The following DDX23 variants were observed in gnomAD, a reference collection of about 807,000 sequenced individuals.
The protein encoded by DDX23 is probable ATP-dependent RNA helicase DDX23.
Under a neutral mutation model 102.7 loss-of-function variants are expected in DDX23, and 33 were observed. The observed-to-expected ratio is 0.32, with a 90% CI of 0.24 to 0.43. The LOEUF (loss-of-function observed/expected upper bound fraction) is 0.43. DDX23 is among the 20% of genes least tolerant of loss of function. The probability of loss-of-function intolerance (pLI) is 1.00; values close to 1 mark genes in which losing one functional copy is unlikely to be tolerated. For synonymous variants in DDX23, 352 were observed against 376.0 expected (o/e 0.94, Z 0.74); for missense variants, 549 against 1,086.6 (o/e 0.51, Z 6.96).
Position 48,836,815 on chromosome 12 carries a change from T to G in DDX23, c.1011-21A>C. ...TTGCCCTGGAGCAGGGTGTGAGGAG[T>G]AAGTAGAATCAGTGCCCTCCAACTC... On this transcript the variant is annotated intron_variant, in intron 9 of 16. Transcript: ENST00000308025. The surrounding 1 kb of genome is among the most constrained non-coding windows in gnomAD (Gnocchi z 6.1). The G allele has an allele frequency of 6.2e-7, 1 of 1,613,108 alleles. No individual in the cohort carries two copies. Among genetic ancestry groups the G allele is most frequent in the Non-Finnish European group, 8.5e-7 (1 of 1,179,266 alleles).
intron 1 of DDX23, among the ~76,000 whole-genome samples, chr12:48,850,425 A>G (rs1938737301): frequency 6.6e-6 from 1 of 152,212 alleles, no homozygotes; most frequent in African/African-American, 2.4e-5. Context: ...GAGTGTGAGA[A>G]TATCTGTGGA....
At chr12:48,848,682 T>A (rs1254966043) in intron 1 of DDX23, among the ~76,000 whole-genome samples, 1 of 151,818 alleles carries the variant, frequency 6.6e-6, no homozygotes, top group East Asian at 1.9e-4. Context: ...CTTCCCAGGC[T>A]CAAGCGATCC....
At chr12:48,842,904 T>C (rs1565678461) in intron 3 of DDX23, among the ~76,000 whole-genome samples, 1 of 151,714 alleles carries the variant, frequency 6.6e-6, no homozygotes, top group Non-Finnish European at 1.5e-5. Flanking sequence ...TTGCCGTGTC[T>C]GTGTAGAAAG....
intron 1 of DDX23, 112 bp from the exon 2 acceptor site, chr12:48,845,894 TACC>T (rs1191180941): frequency 8.6e-7 from 1 of 1,165,748 alleles, no homozygotes; most frequent in African/African-American, 1.5e-5. Flanking sequence ...TTAGTATGTC[TACC>T]GTACAGATGA....
chr12:48,845,702 G>T lies in DDX23; in HGVS notation c.81C>A (p.Asp27Glu). 1 of 1,614,224 alleles carries T rather than the reference G, an allele frequency of 6.2e-7. No homozygotes were observed. Among genetic ancestry groups the T allele is most frequent in the Non-Finnish European group, 8.5e-7 (1 of 1,180,038 alleles). The stretch of plus-strand genomic sequence containing the variant: ...GGTCCCGGTCTCTATCCCGCTCTCT[G>T]TCAGGAGTCCGTGATCGCTTCCTTT... Reference protein sequence around the residue: ...KEERKRSRTPDRERDRDRDRK... With the variant: ...KEERKRSRTPERERDRDRDRK... The change falls in exon 2 of 17, where the codon GAC becomes GAA. Residue 27 changes from aspartate to glutamate, a missense_variant. By Grantham distance (45) the Asp-to-Glu change is conservative. Coordinates refer to ENST00000308025, the MANE Select transcript of DDX23 (RefSeq NM_004818.3).
At position 48,832,768 on chromosome 12, in the gene DDX23, T is replaced by A; in HGVS notation, c.1804-195A>T. 1.5e-6 allele frequency: 1 copy of A among 663,776 alleles called. No individual in the cohort carries two copies. 41.1% of individuals were successfully genotyped at this position (663,776 alleles called of 1,614,324 possible). Reference sequence around the variant, plus strand: ...TACCTGCTCATCAAGGCACTTTCCATCTTATGATGACAGGAAGGATTGAGA... The same window carrying A: ...TACCTGCTCATCAAGGCACTTTCCAACTTATGATGACAGGAAGGATTGAGA... On this transcript the variant is annotated intron_variant, in intron 13 of 16. Transcript: ENST00000308025. The surrounding 1 kb of genome is among the most constrained non-coding windows in gnomAD (Gnocchi z 4.4).
At chr12:48,831,976 TAAAG>T in intron 15 of DDX23, 98 bp downstream of exon 15, 4 of 1,115,872 alleles carry the variant, frequency 3.6e-6, no homozygotes, top group South Asian at 1.4e-5. Flanking sequence ...CTGGACAGGC[TAAAG>T]AAAGGGTGAG....
chr12:48,837,784 T>A (rs1818845440), intron 6 of DDX23, 127 bp from the exon 7 acceptor site: 5 of 1,532,098 alleles, frequency 3.3e-6, no homozygotes. Context: ...ATGGGGTAAA[T>A]GGAGATCTAA....
At chr12:48,833,859 A>G (rs544007771) in intron 12 of DDX23, among the ~76,000 whole-genome samples, 47 of 152,308 alleles carry the variant, frequency 3.1e-4, no homozygotes, top group Middle Eastern at 3.4e-3. Context: ...GGGTTGTATA[A>G]AGACTAAATT....
At chr12:48,845,542 T>C in intron 2 of DDX23, 32 bp downstream of exon 2, 1 of 1,612,452 alleles carries the variant, frequency 6.2e-7, no homozygotes, top group Non-Finnish European at 8.5e-7. Context: ...GTACTCTCCC[T>C]TCCCATGTAA....
chr12:48,850,321 C>T (rs1938736184), intron 1 of DDX23, among the ~76,000 whole-genome samples: 2 of 152,184 alleles, frequency 1.3e-5, no homozygotes, highest in Non-Finnish European at 2.9e-5. Flanking sequence ...GTTTCAGCAA[C>T]CTAATAGTTT....
At chr12:48,844,116 G>T in intron 2 of DDX23, 66 bp from the exon 3 acceptor site, 2 of 1,465,244 alleles carry the variant, frequency 1.4e-6, no homozygotes, top group Non-Finnish European at 1.9e-6. Flanking sequence ...CTGCAGCCCT[G>T]AGAAAGTTCC....
rs1481328410 is a variant in DDX23 at position 48,832,648 on chromosome 12, A to G, written c.1804-75T>C. ...ATCCCACTGTCACCGAAGGCAGGTC[A>G]GCCCAGACTAAAGAATCTAAAATGG... On this transcript the variant is annotated intron_variant, in intron 13 of 16. Transcript: ENST00000308025. The surrounding 1 kb of genome is among the most constrained non-coding windows in gnomAD (Gnocchi z 4.4). 3 of 1,549,428 alleles carry G rather than the reference A, an allele frequency of 1.9e-6. No homozygotes were observed. In the East Asian group the frequency reaches 6.9e-5, roughly 36 times the overall value.
intron 1 of DDX23, among the ~76,000 whole-genome samples, chr12:48,851,715 C>A (rs920072824): frequency 2.0e-5 from 3 of 152,214 alleles, no homozygotes; most frequent in Non-Finnish European, 2.9e-5. Context: ...AGAAATAATA[C>A]GGCCGGCGCA....
Position 48,848,585 on chromosome 12 carries a change from T to TTTG in DDX23, c.1-2806_1-2804dup, listed in dbSNP as rs149054528. Among the ~76,000 whole-genome samples, 349 of 151,612 alleles carry TTTG rather than the reference T, an allele frequency of 2.3e-3. 2 individuals are homozygous for TTTG. The highest frequency in any genetic ancestry group is 7.9e-3 in the African/African-American group (326 of 41,402). On this transcript the variant is annotated intron_variant, in intron 1 of 16. Transcript: ENST00000308025. ...AGCTTAGCATGTTTGTCAGGTTTGTTTTGTTGTTGTTGTTGTTGAGACAGG... is the reference window on the plus strand; with the variant it reads ...AGCTTAGCATGTTTGTCAGGTTTGTTTTGTTGTTGTTGTTGTTGTTGAGACAGG...
chr12:48,830,338 A>T lies in DDX23; in HGVS notation c.*131T>A. The T allele has an allele frequency of 9.2e-7, 1 of 1,092,766 alleles. No individual in the cohort carries two copies. Among genetic ancestry groups the T allele is most frequent in the Non-Finnish European group, 1.4e-6 (1 of 730,740 alleles). The allele number at this position is 1,092,766 out of a possible 1,614,324, so 67.7% of individuals were successfully genotyped here. On this transcript the variant is annotated 3_prime_UTR_variant, in exon 17 of 17. Transcript: ENST00000308025. The surrounding 1 kb of genome is among the most constrained non-coding windows in gnomAD (Gnocchi z 4.9). ...GCCTCCTGACCTGAGGGTCTGGGCT[A>T]GGGAGTTGGATTGTTTTCCTAAGCC...
In DDX23 at chr12:48,836,772, T is replaced by C; in HGVS notation, c.1033A>G (p.Lys345Glu). ...TCCCAGCGCTGCTTGGCTTCCTTCT[T>C]ACGAAGTTTGCGGAGTCTTGCCCTG... Reference protein sequence around the residue: ...QEEARLRKLRKKEAKQRWDDR... With the variant: ...QEEARLRKLREKEAKQRWDDR... The change falls in exon 10 of 17, where the codon AAG (lysine) becomes GAG (glutamate). Residue 345 changes from lysine (K) to glutamate (E), a missense_variant. This residue lies in a region of DDX23 where 270 missense variants were observed against 707.0 expected (regional missense o/e 0.38). Transcript: ENST00000308025. This position sits in a 1 kb window ranked among gnomAD's most constrained non-coding sequence, Gnocchi z 6.1. 6.2e-7 allele frequency: 1 copy of C among 1,614,122 alleles called. No individual in the cohort carries two copies. The highest frequency in any genetic ancestry group is 8.5e-7 in the Non-Finnish European group (1 of 1,179,976).
intron 11 of DDX23, chr12:48,835,273 C>T (rs1487029471): frequency 5.8e-6 from 1 of 171,638 alleles, no homozygotes; most frequent in Non-Finnish European, 1.3e-5. Context: ...ATAATAAATA[C>T]ATAAAAATCA....
chr12:48,847,570 C>G (rs1938688515), intron 1 of DDX23, among the ~76,000 whole-genome samples: 1 of 151,798 alleles, frequency 6.6e-6, no homozygotes, highest in South Asian at 2.1e-4. Context: ...TGGCTCATGC[C>G]TGTAATCTCA....
Sources: gnomAD v4.1 joint callset for allele counts (sites outside exome capture counted in the v4.1 genomes callset) on GRCh38, gnomAD v4.1.1 for gene constraint, gnomAD v4.1.1 regional missense constraint, Gnocchi (gnomAD v3.1) non-coding constraint, MANE v1.5 for transcripts, NCBI Gene and HGNC (gene_info 2026-07-23, HGNC 2026-07-21) for gene names.